The following DLGAP2 variants were observed in gnomAD, a reference collection of about 807,000 sequenced individuals.
DLGAP2 encodes the protein disks large-associated protein 2.
In DLGAP2, 26 loss-of-function variants were observed where a neutral mutation model predicts 100.3. The ratio of observed to expected loss-of-function variants is 0.26; its 90% CI spans 0.19 to 0.36. The LOEUF (loss-of-function observed/expected upper bound fraction) is 0.36. DLGAP2 is among the 10% of genes least tolerant of loss of function. The probability of loss-of-function intolerance (pLI) is 1.00; values close to 1 mark genes in which losing one functional copy is unlikely to be tolerated. For missense variants in DLGAP2, 1,858 were observed against 1,453.2 expected, an observed-to-expected ratio of 1.28 and a Z score of -4.53; for synonymous variants, 886 against 630.1, an observed-to-expected ratio of 1.41 and a Z score of -6.08.
chr8:1,430,007 C>CATATATATATAT (rs60682299), intron 3 of DLGAP2, among the ~76,000 whole-genome samples: 19 of 54,352 alleles, frequency 3.5e-4, no homozygotes, highest in Admixed American at 6.0e-4. Flanking sequence ...CATATATATA[C>CATATATATATAT]ATATATATAT....
intron 9 of DLGAP2, among the ~76,000 whole-genome samples, chr8:1,668,960 C>A (rs1026652709): frequency 2.6e-4 from 39 of 152,284 alleles, no homozygotes; most frequent in African/African-American, 9.1e-4. Flanking sequence ...ACACTCCGGG[C>A]CACTTGTTTT....
At chr8:867,539 C>T (rs1797521531) in intron 1 of DLGAP2, among the ~76,000 whole-genome samples, 1 of 152,208 alleles carries the variant, frequency 6.6e-6, no homozygotes, top group African/African-American at 2.4e-5. Context: ...GTGGCTTTCT[C>T]TATGCTGCAT....
At chr8:1,163,697 A>C (rs1209752952) in intron 2 of DLGAP2, among the ~76,000 whole-genome samples, 1 of 152,144 alleles carries the variant, frequency 6.6e-6, no homozygotes, top group Non-Finnish European at 1.5e-5. Flanking sequence ...GCTGCTTGTA[A>C]TGACTGGGCA....
At chr8:1,098,561 G>A (rs1373868926) in intron 2 of DLGAP2, among the ~76,000 whole-genome samples, 1 of 151,350 alleles carries the variant, frequency 6.6e-6, no homozygotes, top group Non-Finnish European at 1.5e-5. Context: ...CCCACCCTGC[G>A]ATGGCCACCC....
intron 2 of DLGAP2, among the ~76,000 whole-genome samples, chr8:948,213 T>C (rs1347863848): frequency 1.3e-5 from 2 of 152,038 alleles, no homozygotes; most frequent in African/African-American, 4.8e-5. Flanking sequence ...ATCTTTCACT[T>C]TGATTTGGGG....
At chr8:1,069,054 T>A (rs1803346979) in intron 2 of DLGAP2, among the ~76,000 whole-genome samples, 1 of 152,158 alleles carries the variant, frequency 6.6e-6, no homozygotes, top group Non-Finnish European at 1.5e-5. Context: ...AATCCCCGGC[T>A]GAAGTTGGCG....
In DLGAP2 at chr8:1,654,500, A is replaced by C. The variant is rs190466231; in HGVS notation, c.1811-13829A>C. Among the ~76,000 whole-genome samples the C allele has an allele frequency of 1.8e-3, 267 of 152,078 alleles. 2 individuals are homozygous for C. The highest frequency in any genetic ancestry group is 4.5e-3 in the Admixed American group (69 of 15,278). Reference sequence around the variant, plus strand: ...AACATGGTGAAACCCCATCTCTACTAAAGATACAAAATTAGCCAGGCATGG... The same window carrying C: ...AACATGGTGAAACCCCATCTCTACTCAAGATACAAAATTAGCCAGGCATGG... On this transcript the variant is annotated intron_variant, in intron 8 of 14. Coordinates refer to ENST00000637795, the MANE Select transcript of DLGAP2 (RefSeq NM_001346810.2).
intron 2 of DLGAP2, among the ~76,000 whole-genome samples, chr8:1,193,572 G>A (rs1197705515): frequency 6.6e-6 from 1 of 152,164 alleles, no homozygotes; most frequent in African/African-American, 2.4e-5. Context: ...TTTAAAGCTG[G>A]ATATACGCTG....
intron 2 of DLGAP2, among the ~76,000 whole-genome samples, chr8:1,194,480 C>T (rs73541309): frequency 0.041 from 6,235 of 152,182 alleles, 421 homozygotes; most frequent in African/African-American, 0.14. Context: ...TCCCTCAGTC[C>T]CACTTTCCAG....
At chr8:1,039,788 A>G (rs1360612094) in intron 2 of DLGAP2, among the ~76,000 whole-genome samples, 6 of 93,062 alleles carry the variant, frequency 6.4e-5, no homozygotes, top group South Asian at 3.7e-4. Context: ...CTCGGTATGC[A>G]TGTTCAGCTC....
intron 3 of DLGAP2, among the ~76,000 whole-genome samples, chr8:1,435,092 C>T (rs180993151): frequency 7.2e-4 from 109 of 152,304 alleles, no homozygotes; most frequent in Non-Finnish European, 1.4e-3. Flanking sequence ...CTTAGGGACC[C>T]AGGGCCCTTC....
At chr8:1,257,538 A>G (rs1321709119) in intron 2 of DLGAP2, among the ~76,000 whole-genome samples, 5 of 144,480 alleles carry the variant, frequency 3.5e-5, no homozygotes, top group Non-Finnish European at 6.0e-5. Flanking sequence ...CCAGATTACT[A>G]TTTAACATCC....
At chr8:1,634,950 G>A (rs897542596) in intron 8 of DLGAP2, among the ~76,000 whole-genome samples, 20 of 152,252 alleles carry the variant, frequency 1.3e-4, no homozygotes, top group South Asian at 8.3e-4. Flanking sequence ...AGTTTCTACC[G>A]GATCTTGGCC....
At chr8:763,461 A>G (rs984826341) in intron 1 of DLGAP2, among the ~76,000 whole-genome samples, 1 of 152,124 alleles carries the variant, frequency 6.6e-6, no homozygotes, top group African/African-American at 2.4e-5. Context: ...AAAGGAGGAG[A>G]ACTTATCAAT....
At chr8:1,577,600 A>G (rs935911361) in intron 6 of DLGAP2, among the ~76,000 whole-genome samples, 3 of 151,478 alleles carry the variant, frequency 2.0e-5, no homozygotes, top group African/African-American at 7.3e-5. Context: ...ATTTAAAGCA[A>G]GTAAATGCCA....
At chr8:1,061,979 C>A (rs571519124) in intron 2 of DLGAP2, among the ~76,000 whole-genome samples, 26 of 151,772 alleles carry the variant, frequency 1.7e-4, no homozygotes, top group African/African-American at 6.0e-4. Context: ...CAAATGATAT[C>A]ATCACAATAG....
chr8:1,697,980 A>C (rs1193376717), intron 14 of DLGAP2, among the ~76,000 whole-genome samples: 5 of 152,254 alleles, frequency 3.3e-5, no homozygotes, highest in African/African-American at 1.2e-4. Flanking sequence ...GAGGAACCAT[A>C]AATGGATTTT....
chr8:1,299,116 A>C (rs1359028682), intron 3 of DLGAP2, among the ~76,000 whole-genome samples: 1 of 152,232 alleles, frequency 6.6e-6, no homozygotes, highest in Non-Finnish European at 1.5e-5. Context: ...CTAAATGTGT[A>C]TGGTACAAAG....
In DLGAP2 at chr8:1,328,769, C is replaced by T. The variant is rs142484178; in HGVS notation, c.106+69886C>T. 2.2e-3 allele frequency among the ~76,000 whole-genome samples: 331 copies of T among 152,262 alleles called. 16 individuals are homozygous for T. The East Asian group carries it at 0.057, about 26-fold the overall frequency. ...CTAAGCTTCCCATAATAACGGGAGA[C>T]GGCGGAAATGTCGGGATGCCGCTTA... On this transcript the variant is annotated intron_variant, in intron 3 of 14. Coordinates refer to ENST00000637795, the MANE Select transcript of DLGAP2 (RefSeq NM_001346810.2).
Sources: gnomAD v4.1 joint callset for allele counts (sites outside exome capture counted in the v4.1 genomes callset) on GRCh38, gnomAD v4.1.1 for gene constraint, MANE v1.5 for transcripts, NCBI Gene and HGNC (gene_info 2026-07-23, HGNC 2026-07-21) for gene names.